NRXN1: variants seen among roughly 807,000 people sequenced by gnomAD.
NRXN1 encodes the protein neurexin 1, also known as neurexin-1.
In NRXN1, 39 loss-of-function variants were observed where a neutral mutation model predicts 150.9. The ratio of observed to expected loss-of-function variants is 0.26; its 90% CI spans 0.20 to 0.34. The LOEUF is 0.34. Ranked by LOEUF, NRXN1 falls within the 10% of genes least tolerant of loss-of-function variation. NRXN1 has a pLI of 1.00. For synonymous variants in NRXN1, 924 were observed against 757.0 expected, an observed-to-expected ratio of 1.22 and a Z score of -3.62; for missense variants, 1,815 against 1,949.9, an observed-to-expected ratio of 0.93 and a Z score of 1.30.
intron 5 of NRXN1, among the ~76,000 whole-genome samples, chr2:50,652,067 A>G (rs1214611434): frequency 6.6e-6 from 1 of 152,010 alleles, no homozygotes; most frequent in African/African-American, 2.4e-5. Flanking sequence ...CTTCCCTGGT[A>G]AAACCAGAGA....
At chr2:50,681,932 T>A (rs1265595565) in intron 5 of NRXN1, among the ~76,000 whole-genome samples, 1 of 152,180 alleles carries the variant, frequency 6.6e-6, no homozygotes, top group African/African-American at 2.4e-5. Flanking sequence ...CTTATCTTTC[T>A]AAGCCTCATG....
intron 2 of NRXN1, among the ~76,000 whole-genome samples, chr2:50,972,496 G>C (rs953210806): frequency 1.3e-5 from 2 of 152,076 alleles, no homozygotes; most frequent in African/African-American, 4.8e-5. Flanking sequence ...GACTGGGGAG[G>C]GGGGTGGTTT....
intron 5 of NRXN1, among the ~76,000 whole-genome samples, chr2:50,724,134 T>C (rs1251833441): frequency 1.3e-5 from 2 of 152,168 alleles, no homozygotes; most frequent in Admixed American, 1.3e-4. Flanking sequence ...AGGGTGACAC[T>C]CTCTAAATTA....
At chr2:50,819,196 C>T (rs1056560672) in intron 5 of NRXN1, among the ~76,000 whole-genome samples, 2 of 152,102 alleles carry the variant, frequency 1.3e-5, no homozygotes, top group African/African-American at 2.4e-5. Context: ...CCCAAAGGAA[C>T]TGAAAACTAG....
intron 2 of NRXN1, among the ~76,000 whole-genome samples, chr2:50,984,195 G>A (rs1697314386): frequency 7.4e-6 from 1 of 134,488 alleles, no homozygotes; most frequent in Non-Finnish European, 1.5e-5. Flanking sequence ...ATGTTGGCTA[G>A]GCTGGTCTCA....
Position 50,188,133 on chromosome 2 carries a change from C to T in NRXN1, c.3546+48656G>A, listed in dbSNP as rs565005651. Among the ~76,000 whole-genome samples the T allele has an allele frequency of 3.2e-4, 49 of 152,156 alleles. No homozygotes were observed. The South Asian group carries it at 6.4e-3, about 20-fold the overall frequency. ...CACTATATTGAATAAGAGTACAAGGCTACAGTAACAAAACCAGCTTGATAC... is the reference window on the plus strand; with the variant it reads ...CACTATATTGAATAAGAGTACAAGGTTACAGTAACAAAACCAGCTTGATAC... On this transcript the variant is annotated intron_variant, in intron 18 of 22. Coordinates refer to ENST00000401669, the MANE Select transcript of NRXN1 (RefSeq NM_001330078.2).
At chr2:50,420,577 A>G (rs918907839) in intron 17 of NRXN1, among the ~76,000 whole-genome samples, 7 of 152,062 alleles carry the variant, frequency 4.6e-5, no homozygotes, top group Admixed American at 3.9e-4. Context: ...AGCTGTCCCT[A>G]TGATACTTAA....
chr2:49,946,641 T>A (rs190667301), intron 21 of NRXN1, among the ~76,000 whole-genome samples: 1 of 152,280 alleles, frequency 6.6e-6, no homozygotes, highest in East Asian at 1.9e-4. Flanking sequence ...AAATAGGGAA[T>A]CCTTTCCTCA....
chr2:51,020,911 G>C (rs1487631913), intron 2 of NRXN1, among the ~76,000 whole-genome samples: 1 of 151,786 alleles, frequency 6.6e-6, no homozygotes, highest in Non-Finnish European at 1.5e-5. Flanking sequence ...CCATGCTCAG[G>C]AGAAAAAACA....
chr2:50,295,904 T>G (rs1006084307), intron 17 of NRXN1, among the ~76,000 whole-genome samples: 11 of 152,368 alleles, frequency 7.2e-5, no homozygotes, highest in Admixed American at 7.2e-4. Flanking sequence ...CTGTAAAAGC[T>G]TCACCAGTTT....
At chr2:50,302,758 T>C (rs1470017878) in intron 17 of NRXN1, among the ~76,000 whole-genome samples, 1 of 152,188 alleles carries the variant, frequency 6.6e-6, no homozygotes, top group African/African-American at 2.4e-5. Context: ...TCCTTTTCAC[T>C]GAAATTTAAT....
intron 19 of NRXN1, among the ~76,000 whole-genome samples, chr2:50,086,482 C>T (rs140048277): frequency 1.1e-3 from 161 of 152,254 alleles, no homozygotes; most frequent in African/African-American, 3.7e-3. Flanking sequence ...TAGAGCATTT[C>T]TCTCTTTCTC....
At chr2:49,964,082 T>C (rs1403648761) in intron 21 of NRXN1, among the ~76,000 whole-genome samples, 1 of 152,180 alleles carries the variant, frequency 6.6e-6, no homozygotes, top group African/African-American at 2.4e-5. Context: ...CAGGGAATGC[T>C]TTAAAGATGA....
intron 6 of NRXN1, 40 bp downstream of exon 6, chr2:50,623,274 G>A: frequency 6.4e-7 from 1 of 1,554,212 alleles, no homozygotes; most frequent in Non-Finnish European, 8.8e-7. Flanking sequence ...GCTATAGCGA[G>A]AAACAAAGCC....
intron 17 of NRXN1, 162 bp downstream of exon 17, chr2:50,465,280 G>T: frequency 1.9e-6 from 1 of 524,720 alleles, no homozygotes; most frequent in Non-Finnish European, 3.0e-6. Context: ...TTAACAATTA[G>T]TATTTCAAAA....
intron 16 of NRXN1, among the ~76,000 whole-genome samples, chr2:50,469,480 T>C (rs2089253461): frequency 6.6e-6 from 1 of 151,616 alleles, no homozygotes; most frequent in Non-Finnish European, 1.5e-5. Context: ...AAACATATGC[T>C]AAGTAGTCCT....
At chr2:50,905,893 T>G (rs529864478) in intron 5 of NRXN1, among the ~76,000 whole-genome samples, 1 of 152,136 alleles carries the variant, frequency 6.6e-6, no homozygotes, top group East Asian at 1.9e-4. Context: ...TTTAACACTA[T>G]TGAATAGAAA....
chr2:50,418,411 G>A (rs1179798086), intron 17 of NRXN1, among the ~76,000 whole-genome samples: 1 of 152,004 alleles, frequency 6.6e-6, no homozygotes, highest in Non-Finnish European at 1.5e-5. Flanking sequence ...TTTAGATGCT[G>A]CAAATCATAA....
At chr2:50,442,674 G>A (rs940413791) in intron 17 of NRXN1, among the ~76,000 whole-genome samples, 4 of 152,094 alleles carry the variant, frequency 2.6e-5, no homozygotes, top group Non-Finnish European at 5.9e-5. Flanking sequence ...CAGAGTTACT[G>A]GCATAATGAT....
Sources: allele counts gnomAD v4.1 joint callset (sites outside exome capture counted in the v4.1 genomes callset), GRCh38; gene constraint gnomAD v4.1.1; transcripts MANE v1.5; gene names NCBI Gene and HGNC (gene_info 2026-07-23, HGNC 2026-07-21).